UGT3A1: variants seen among roughly 807,000 people sequenced by gnomAD.
The protein encoded by UGT3A1 is UDP-glycosyltransferase 3A1.
A neutral mutation model predicts 37.6 loss-of-function variants in UGT3A1; 40 were observed. The ratio of observed to expected loss-of-function variants is 1.06; its 90% confidence interval spans 0.83 to 1.38. The LOEUF (loss-of-function observed/expected upper bound fraction) is 1.38, where lower values mean the gene tolerates loss of function less well. UGT3A1 is among the 40% of genes most tolerant of loss of function. The pLI, the probability that UGT3A1 is intolerant of heterozygous loss-of-function variation, is 0.00. For synonymous variants in UGT3A1, 256 were observed against 232.3 expected (o/e 1.10, Z -0.93); for missense variants, 642 against 634.2 (o/e 1.01, Z -0.13).
intron 2 of UGT3A1, among the ~76,000 whole-genome samples, chr5:35,969,878 C>G (rs1350340790): frequency 6.6e-6 from 1 of 152,112 alleles, no homozygotes; most frequent in Non-Finnish European, 1.5e-5. Context: ...AGCATTGGTA[C>G]TAAATACCTG....
intron 4 of UGT3A1, among the ~76,000 whole-genome samples, chr5:35,958,226 G>A (rs573387026): frequency 1.4e-4 from 21 of 152,144 alleles, no homozygotes; most frequent in Non-Finnish European, 2.8e-4. Flanking sequence ...TATTTTGTCT[G>A]ATATTTGCAT....
At chr5:35,961,028 G>T (rs963616221) in intron 4 of UGT3A1, 2 of 152,194 alleles carry the variant, frequency 1.3e-5, no homozygotes, top group African/African-American at 4.8e-5. Flanking sequence ...CAGGAGAGGG[G>T]CGTGTGGAGA....
At chr5:35,972,636 C>T (rs916868075) in intron 2 of UGT3A1, among the ~76,000 whole-genome samples, 10 of 151,064 alleles carry the variant, frequency 6.6e-5, no homozygotes, top group Admixed American at 1.3e-4. Context: ...TATTTGAAAC[C>T]GATAACTCTT....
intron 4 of UGT3A1, among the ~76,000 whole-genome samples, chr5:35,964,968 C>T (rs1739739046): frequency 6.6e-6 from 1 of 152,160 alleles, no homozygotes; most frequent in South Asian, 2.1e-4. Flanking sequence ...CCATGCAGTC[C>T]CACCCTGCTT....
At chr5:35,982,110 A>G (rs890501762) in intron 2 of UGT3A1, among the ~76,000 whole-genome samples, 1 of 152,260 alleles carries the variant, frequency 6.6e-6, no homozygotes, top group Non-Finnish European at 1.5e-5. Flanking sequence ...CAGAGGATAT[A>G]TGAAAATGCC....
At chr5:35,980,108 G>A (rs1740459457) in intron 2 of UGT3A1, among the ~76,000 whole-genome samples, 1 of 152,138 alleles carries the variant, frequency 6.6e-6, no homozygotes, top group African/African-American at 2.4e-5. Flanking sequence ...GCTTCAAATT[G>A]TATACTTTAC....
In UGT3A1 at chr5:35,955,967, G is replaced by T. The variant is rs1234197502; in HGVS notation, c.1076-103C>A. ...TGAAACACCAATGAAATCAAGGTCT[G>T]TTGAGAAAATGAATTCACTGATTTT... On this transcript the variant is annotated intron_variant, in intron 5 of 6. Transcript: ENST00000274278. The T allele has an allele frequency of 6.3e-5, 75 of 1,185,032 alleles. 1 individual carries two copies. Among genetic ancestry groups the T allele is most frequent in the South Asian group, 5.9e-4 (41 of 70,056 alleles). The allele number at this position is 1,185,032 out of a possible 1,614,324, so 73.4% of individuals were successfully genotyped here. A position where few individuals can be genotyped will look rare whatever the true frequency, so the allele number is the denominator to read the frequency against.
chr5:35,993,477 G>A (rs1217341975), upstream of UGT3A1, among the ~76,000 whole-genome samples: 1 of 148,646 alleles, frequency 6.7e-6, no homozygotes, highest in African/African-American at 2.5e-5. Flanking sequence ...AAAAAAAAAT[G>A]CAGATTCACT....
At chr5:35,968,915 CA>C (rs1739925191) in intron 2 of UGT3A1, among the ~76,000 whole-genome samples, 1 of 152,198 alleles carries the variant, frequency 6.6e-6, no homozygotes, top group Admixed American at 6.5e-5. Context: ...ACAGGAATGA[CA>C]AACAGGGATC....
At chr5:35,975,964 T>A (rs1164257285) in intron 2 of UGT3A1, among the ~76,000 whole-genome samples, 1 of 152,166 alleles carries the variant, frequency 6.6e-6, no homozygotes, top group African/African-American at 2.4e-5. Flanking sequence ...ATGTTTCTTC[T>A]CCCATAGCAA....
intron 2 of UGT3A1, among the ~76,000 whole-genome samples, chr5:35,977,539 C>T (rs1033584573): frequency 6.6e-6 from 1 of 152,086 alleles, no homozygotes; most frequent in Admixed American, 6.5e-5. Context: ...TTAGCACTTC[C>T]ACCCACTCTT....
intron 3 of UGT3A1, among the ~76,000 whole-genome samples, chr5:35,966,554 A>G (rs1739814410): frequency 1.3e-5 from 2 of 152,346 alleles, no homozygotes; most frequent in South Asian, 4.1e-4. Context: ...GCTGGCTGGA[A>G]CATGCTAAAG....
intron 2 of UGT3A1, among the ~76,000 whole-genome samples, chr5:35,986,032 A>G (rs73076172): frequency 0.058 from 8,799 of 152,212 alleles, 848 homozygotes; most frequent in African/African-American, 0.2. Context: ...TAAAAATGGG[A>G]AAAAGATCTG....
chr5:35,981,553 G>C (rs1413831023), intron 2 of UGT3A1, among the ~76,000 whole-genome samples: 1 of 152,194 alleles, frequency 6.6e-6, no homozygotes, highest in Non-Finnish European at 1.5e-5. Flanking sequence ...AGGATATCTG[G>C]CTGAAGAAAT....
intron 4 of UGT3A1, among the ~76,000 whole-genome samples, chr5:35,958,062 A>C (rs1739427912): frequency 6.6e-6 from 1 of 152,176 alleles, no homozygotes; most frequent in African/African-American, 2.4e-5. Context: ...TGTTTGGTGC[A>C]TATATATTTA....
At position 35,955,734 on chromosome 5, in the gene UGT3A1, T is replaced by C; in HGVS notation, c.1206A>G (p.Val402=). The C allele has an allele frequency of 6.2e-7, 1 of 1,614,248 alleles. No homozygotes were observed. Among genetic ancestry groups the C allele is most frequent in the Non-Finnish European group, 8.5e-7 (1 of 1,180,050 alleles). Residue 402 remains valine, a synonymous_variant, in exon 6 of 7, where the codon GTA becomes GTG. Coordinates refer to ENST00000274278, the MANE Select transcript of UGT3A1 (RefSeq NM_152404.4). ...GDQHGNMVRV[V]AKNYGVSIRL... ...GGATAGAGACACCATAATTTTTGGCTACTACTCGGACCATGTTTCCATGCT... is the reference window on the plus strand; with the variant it reads ...GGATAGAGACACCATAATTTTTGGCCACTACTCGGACCATGTTTCCATGCT...
At chr5:35,967,423 T>C (rs1739853632) in intron 3 of UGT3A1, among the ~76,000 whole-genome samples, 1 of 152,224 alleles carries the variant, frequency 6.6e-6, no homozygotes, top group South Asian at 2.1e-4. Flanking sequence ...GGAGATTCTT[T>C]GTATTCCAGG....
Position 35,954,090 on chromosome 5 carries a change from G to C in UGT3A1, c.*112C>G. On this transcript the variant is annotated 3_prime_UTR_variant, in exon 7 of 7. Coordinates refer to ENST00000274278, the MANE Select transcript of UGT3A1 (RefSeq NM_152404.4). The stretch of plus-strand genomic sequence containing the variant: ...GAGAATAGAAAGAAGCAAGTTGCAG[G>C]ATCAGTGGCAGGTGGAGCTGAAGAG... 1 of 1,177,520 alleles carries C rather than the reference G, an allele frequency of 8.5e-7. No individual in the cohort carries two copies. The highest frequency in any genetic ancestry group is 1.2e-6 in the Non-Finnish European group (1 of 830,126). 72.9% of individuals were successfully genotyped at this position (1,177,520 alleles called of 1,614,324 possible).
chr5:35,982,545 T>C (rs1740568996), intron 2 of UGT3A1, among the ~76,000 whole-genome samples: 1 of 152,236 alleles, frequency 6.6e-6, no homozygotes, highest in African/African-American at 2.4e-5. Flanking sequence ...AATGGGAATA[T>C]TTACCTAATG....
Sources: allele counts gnomAD v4.1 joint callset (sites outside exome capture counted in the v4.1 genomes callset), GRCh38; gene constraint gnomAD v4.1.1; transcripts MANE v1.5; gene names NCBI Gene and HGNC (gene_info 2026-07-23, HGNC 2026-07-21).